Variants in EBF2 observed in about 807,000 individuals in gnomAD.
EBF2 encodes EBF transcription factor 2.
In EBF2, 21 loss-of-function variants were observed where a neutral mutation model predicts 72.8. The ratio of observed to expected loss-of-function variants is 0.29; its 90% CI spans 0.20 to 0.42. The LOEUF (loss-of-function observed/expected upper bound fraction) is 0.42, where lower values mean the gene tolerates loss of function less well. EBF2 is among the 10% of genes least tolerant of loss of function. The probability of loss-of-function intolerance (pLI) is 1.00; values close to 1 mark genes in which losing one functional copy is unlikely to be tolerated. For missense variants in EBF2, 637 were observed against 731.2 expected (o/e 0.87, Z 1.49); for synonymous variants, 299 against 274.2 (o/e 1.09, Z -0.89).
chr8:25,884,236 C>G (rs1802652108), intron 10 of EBF2, among the ~76,000 whole-genome samples: 1 of 152,152 alleles, frequency 6.6e-6, no homozygotes, highest in Admixed American at 6.5e-5. Context: ...TCTTGCTGTA[C>G]CCTCTACCTG....
intron 6 of EBF2, among the ~76,000 whole-genome samples, chr8:26,003,327 C>T (rs1804772621): frequency 6.6e-6 from 1 of 152,182 alleles, no homozygotes; most frequent in Non-Finnish European, 1.5e-5. Context: ...ATCCCTATTC[C>T]ATCATTGCTA....
chr8:25,981,717 A>T (rs1176849101), intron 6 of EBF2, among the ~76,000 whole-genome samples: 1 of 151,370 alleles, frequency 6.6e-6, no homozygotes, highest in East Asian at 2.0e-4. Flanking sequence ...AATCACTTGA[A>T]CCTGGGAGGC....
intron 6 of EBF2, among the ~76,000 whole-genome samples, chr8:26,018,930 A>G (rs1378374269): frequency 1.8e-5 from 2 of 110,402 alleles, no homozygotes; most frequent in Admixed American, 1.9e-4. Flanking sequence ...ATCCATGGCA[A>G]TAAAAAAAAA....
chr8:26,013,377 T>G (rs1805058254), intron 6 of EBF2, among the ~76,000 whole-genome samples: 1 of 152,174 alleles, frequency 6.6e-6, no homozygotes, highest in Non-Finnish European at 1.5e-5. Flanking sequence ...GTCTTCCCAG[T>G]GGCTCCATCA....
At chr8:26,024,690 C>A (rs954405758) in intron 6 of EBF2, among the ~76,000 whole-genome samples, 1 of 152,118 alleles carries the variant, frequency 6.6e-6, no homozygotes, top group Non-Finnish European at 1.5e-5. Context: ...GAATTAATAT[C>A]TATGGAGTGT....
chr8:25,874,269 A>T (rs551700388), intron 10 of EBF2, among the ~76,000 whole-genome samples: 4 of 152,304 alleles, frequency 2.6e-5, no homozygotes, highest in Non-Finnish European at 4.4e-5. Context: ...CCCACAATTC[A>T]CACACAGCCT....
intron 5 of EBF2, among the ~76,000 whole-genome samples, chr8:26,036,909 TAAAA>T (rs1312665700): frequency 6.6e-6 from 1 of 151,744 alleles, no homozygotes; most frequent in Admixed American, 6.6e-5. Flanking sequence ...AAAAAAGTAA[TAAAA>T]AAATAAATAA....
At chr8:26,032,935 C>A in intron 6 of EBF2, 150 bp downstream of exon 6, 1 of 664,560 alleles carries the variant, frequency 1.5e-6, no homozygotes, top group Non-Finnish European at 2.6e-6. Context: ...CAAGAAAGGC[C>A]AGCATGAGGA....
chr8:25,849,798 T>C (rs1801922384), intron 15 of EBF2, among the ~76,000 whole-genome samples: 1 of 152,236 alleles, frequency 6.6e-6, no homozygotes, highest in South Asian at 2.1e-4. Flanking sequence ...TTTTCTATTC[T>C]CCACAACCCC....
chr8:25,979,467 G>C (rs894468285), intron 6 of EBF2, among the ~76,000 whole-genome samples: 6 of 152,204 alleles, frequency 3.9e-5, no homozygotes, highest in African/African-American at 1.4e-4. Context: ...CTGTTTAAGG[G>C]GGAAGCAGGT....
intron 15 of EBF2, among the ~76,000 whole-genome samples, chr8:25,846,447 G>A (rs1478935557): frequency 6.6e-6 from 1 of 152,164 alleles, no homozygotes; most frequent in East Asian, 1.9e-4. Context: ...CAGCTGTTTA[G>A]GAGGCTGAGG....
intron 6 of EBF2, among the ~76,000 whole-genome samples, chr8:25,991,303 G>A (rs560179465): frequency 5.3e-5 from 8 of 152,324 alleles, no homozygotes; most frequent in African/African-American, 1.9e-4. Context: ...CAAGGAGCAA[G>A]AATATATCAC....
At position 25,890,376 on chromosome 8, in the gene EBF2, C is replaced by T. The variant is rs370041242; in HGVS notation, c.634-507G>A. On this transcript the variant is annotated intron_variant, in intron 7 of 15. Transcript: ENST00000520164. ...GCTGCCCAGTAGAGAGTGGTGGCAG[C>T]GATGCCTCGACTTTTGCTGAGAAGA... Among the ~76,000 whole-genome samples the T allele has an allele frequency of 3.4e-3, 512 of 152,256 alleles. 3 individuals carry two copies. The highest frequency in any genetic ancestry group is 0.012 in the African/African-American group (482 of 41,554).
At chr8:25,899,659 G>C (rs932796072) in intron 7 of EBF2, among the ~76,000 whole-genome samples, 10 of 152,188 alleles carry the variant, frequency 6.6e-5, no homozygotes, top group Non-Finnish European at 1.3e-4. Context: ...TTGCTGGATG[G>C]AGCTTGGCTC....
intron 6 of EBF2, among the ~76,000 whole-genome samples, chr8:26,016,137 G>A (rs1805107268): frequency 6.6e-6 from 1 of 152,190 alleles, no homozygotes; most frequent in South Asian, 2.1e-4. Context: ...CTTTAGTGCA[G>A]GGAGAAGGAG....
intron 6 of EBF2, among the ~76,000 whole-genome samples, chr8:25,962,170 T>C (rs192291448): frequency 4.6e-5 from 7 of 152,150 alleles, no homozygotes; most frequent in African/African-American, 1.7e-4. Context: ...TTCCTGTGCA[T>C]GAAGAGTAAA....
intron 10 of EBF2, among the ~76,000 whole-genome samples, chr8:25,884,605 G>A (rs1368921798): frequency 6.6e-6 from 1 of 152,116 alleles, no homozygotes; most frequent in Non-Finnish European, 1.5e-5. Context: ...GAAGTTGGGG[G>A]ACTTTACCTT....
intron 6 of EBF2, among the ~76,000 whole-genome samples, chr8:25,965,163 T>A (rs1389881888): frequency 6.6e-6 from 1 of 152,204 alleles, no homozygotes; most frequent in East Asian, 1.9e-4. Context: ...CCTTACTATA[T>A]TTTCATGGAC....
chr8:25,987,273 T>C (rs1804476705), intron 6 of EBF2, among the ~76,000 whole-genome samples: 1 of 152,194 alleles, frequency 6.6e-6, no homozygotes, highest in Admixed American at 6.5e-5. Context: ...AAATAAAACA[T>C]GTATTGAGAC....
Sources: gnomAD v4.1 joint callset for allele counts (sites outside exome capture counted in the v4.1 genomes callset) on GRCh38, gnomAD v4.1.1 for gene constraint, MANE v1.5 for transcripts, NCBI Gene and HGNC (gene_info 2026-07-23, HGNC 2026-07-21) for gene names.